Variants in POFUT3 observed in about 807,000 individuals in gnomAD.
POFUT3 encodes the protein protein O-fucosyltransferase 3.
chr8:33,401,431 A>G, the POFUT3 span, among the ~76,000 whole-genome samples: 2 of 152,220 alleles, frequency 1.3e-5, no homozygotes, highest in South Asian at 4.1e-4. Context: ...GCCGCTGCCC[A>G]GCTGACACAG....
At chr8:33,358,647 C>T in the POFUT3 span, among the ~76,000 whole-genome samples, 1 of 151,920 alleles carries the variant, frequency 6.6e-6, no homozygotes, top group Non-Finnish European at 1.5e-5. Context: ...GGAGGTGTGG[C>T]CTCTAGGAGG....
the POFUT3 span, among the ~76,000 whole-genome samples, chr8:33,356,285 C>T: frequency 3.4e-3 from 518 of 152,298 alleles, 7 homozygotes; most frequent in African/African-American, 0.012. Context: ...TACAGTCCCA[C>T]CAACAGTGTA....
At chr8:33,388,565 G>A in the POFUT3 span, among the ~76,000 whole-genome samples, 2 of 151,966 alleles carry the variant, frequency 1.3e-5, no homozygotes, top group African/African-American at 4.8e-5. Context: ...TCGAACCCCT[G>A]GGCTCAAGTG....
the POFUT3 span, among the ~76,000 whole-genome samples, chr8:33,450,497 C>G: frequency 1.3e-5 from 2 of 152,134 alleles, no homozygotes; most frequent in Non-Finnish European, 1.5e-5. Context: ...GGACATAGAA[C>G]TATATGAACA....
the POFUT3 span, chr8:33,436,322 C>T: frequency 7.5e-7 from 1 of 1,330,126 alleles, no homozygotes; most frequent in South Asian, 1.2e-5. Context: ...TGATGGTCTC[C>T]ACTGCATCCT....
At chr8:33,374,568 G>T in the POFUT3 span, among the ~76,000 whole-genome samples, 1 of 152,140 alleles carries the variant, frequency 6.6e-6, no homozygotes, top group African/African-American at 2.4e-5. Context: ...TGACTAAAGA[G>T]AAATATGACT....
the POFUT3 span, among the ~76,000 whole-genome samples, chr8:33,346,839 T>C: frequency 6.6e-6 from 1 of 152,062 alleles, no homozygotes; most frequent in East Asian, 1.9e-4. Context: ...AATATAAATA[T>C]AGAGAACAGA....
chr8:33,368,287 G>C, the POFUT3 span, among the ~76,000 whole-genome samples: 1 of 152,120 alleles, frequency 6.6e-6, no homozygotes, highest in African/African-American at 2.4e-5. Context: ...GACTCGAGAG[G>C]ACAATAATCC....
At chr8:33,376,884 T>G in the POFUT3 span, among the ~76,000 whole-genome samples, 1 of 152,168 alleles carries the variant, frequency 6.6e-6, no homozygotes, top group African/African-American at 2.4e-5. Flanking sequence ...TATTGGCTGG[T>G]AGGTACAGAT....
At chr8:33,403,286 G>GTGTA in the POFUT3 span, among the ~76,000 whole-genome samples, 10 of 152,042 alleles carry the variant, frequency 6.6e-5, no homozygotes, top group South Asian at 2.1e-3. Flanking sequence ...GTGTGTGTGT[G>GTGTA]TGTATGAGAG....
At chr8:33,383,340 TGATGGCAATA>T in the POFUT3 span, among the ~76,000 whole-genome samples, 1 of 152,206 alleles carries the variant, frequency 6.6e-6, no homozygotes, top group Non-Finnish European at 1.5e-5. Flanking sequence ...ATTATTCACC[TGATGGCAATA>T]AAAGCCCCAT....
At chr8:33,391,234 A>G in the POFUT3 span, among the ~76,000 whole-genome samples, 2,020 of 152,368 alleles carry the variant, frequency 0.013, 42 homozygotes, top group African/African-American at 0.047. Flanking sequence ...TGAGAAATCA[A>G]TTAATCAAGA....
the POFUT3 span, among the ~76,000 whole-genome samples, chr8:33,352,870 C>T: frequency 6.6e-6 from 1 of 152,224 alleles, no homozygotes; most frequent in Non-Finnish European, 1.5e-5. Flanking sequence ...CTATCCTCCT[C>T]TACAACAGAC....
At chr8:33,320,804 A>G in the POFUT3 span, among the ~76,000 whole-genome samples, 1 of 152,200 alleles carries the variant, frequency 6.6e-6, no homozygotes, top group South Asian at 2.1e-4. Flanking sequence ...AGGTAGAGTC[A>G]GAAAACCAAG....
At chr8:33,356,997 T>C in the POFUT3 span, among the ~76,000 whole-genome samples, 1 of 152,204 alleles carries the variant, frequency 6.6e-6, no homozygotes, top group Non-Finnish European at 1.5e-5. Flanking sequence ...TGCAGTGTTA[T>C]TTCTGAGGGC....
the POFUT3 span, among the ~76,000 whole-genome samples, chr8:33,325,313 C>T: frequency 6.6e-6 from 1 of 152,180 alleles, no homozygotes; most frequent in African/African-American, 2.4e-5. Context: ...ATCAGAGTGG[C>T]AGTCCACCCC....
the POFUT3 span, among the ~76,000 whole-genome samples, chr8:33,407,828 C>A: frequency 6.6e-6 from 1 of 151,392 alleles, no homozygotes; most frequent in African/African-American, 2.4e-5. Flanking sequence ...CATGGTGAAA[C>A]CCTGTCTCTA....
At chr8:33,373,485 G>A in the POFUT3 span, among the ~76,000 whole-genome samples, 24 of 152,122 alleles carry the variant, frequency 1.6e-4, no homozygotes, top group Non-Finnish European at 2.9e-4. Flanking sequence ...ATGCTGCAAT[G>A]AGCTTGGTCC....
the POFUT3 span, among the ~76,000 whole-genome samples, chr8:33,470,236 C>CAAAAAAAAAAA: frequency 4.8e-4 from 43 of 89,072 alleles, 3 homozygotes; most frequent in African/African-American, 1.5e-3. Flanking sequence ...CCCATCTCTA[C>CAAAAAAAAAAA]AAAAAAAAAA....
Sources: gnomAD v4.1 joint callset for allele counts (sites outside exome capture counted in the v4.1 genomes callset) on GRCh38, gnomAD v4.1.1 for gene constraint, MANE v1.5 for transcripts, NCBI Gene and HGNC (gene_info 2026-07-23, HGNC 2026-07-21) for gene names.